SHKBP1: variants seen among roughly 807,000 people sequenced by gnomAD.
SHKBP1 encodes the protein SH3KBP1-binding protein 1.
Under a neutral mutation model 83.9 loss-of-function variants are expected in SHKBP1, and 71 were observed. The observed-to-expected ratio is 0.85, with a 90% confidence interval of 0.70 to 1.03. The LOEUF is 1.03. Among genes scored for constraint, SHKBP1 ranks in the 50% least tolerant of loss-of-function variants. The pLI, the probability that SHKBP1 is intolerant of heterozygous loss-of-function variation, is 0.00. For missense variants in SHKBP1, 824 were observed against 982.4 expected (o/e 0.84, Z 2.16); for synonymous variants, 371 against 398.0 (o/e 0.93, Z 0.81).
Position 40,590,386 on chromosome 19 carries a change from C to T in SHKBP1, c.1732C>T (p.Leu578=). ...CAACGGCAGCTTGGCCATGTGGGACCTAACCACCGCCATGGACGGCCTCGG... is the reference window on the plus strand; with the variant it reads ...CAACGGCAGCTTGGCCATGTGGGACTTAACCACCGCCATGGACGGCCTCGG... ...QANGSLAMWD[L]TTAMDGLGQA... The change falls in exon 16 of 18, where the codon CTA becomes TTA. Residue 578 remains leucine, a synonymous_variant. Coordinates refer to ENST00000291842, the MANE Select transcript of SHKBP1 (RefSeq NM_138392.4). This position sits in a 1 kb window ranked among gnomAD's most constrained non-coding sequence, Gnocchi z 4.6. 3.7e-6 allele frequency: 6 copies of T among 1,611,704 alleles called. No homozygotes were observed. Among genetic ancestry groups the T allele is most frequent in the Non-Finnish European group, 5.1e-6 (6 of 1,179,234 alleles).
At chr19:40,581,693 C>G (rs905178882) in intron 9 of SHKBP1, among the ~76,000 whole-genome samples, 1 of 152,116 alleles carries the variant, frequency 6.6e-6, no homozygotes, top group Non-Finnish European at 1.5e-5. Context: ...GCACTCCAGC[C>G]TGGACAACAG....
chr19:40,587,872 C>T (rs2081324676), intron 13 of SHKBP1, among the ~76,000 whole-genome samples: 1 of 152,122 alleles, frequency 6.6e-6, no homozygotes, highest in African/African-American at 2.4e-5. Context: ...CCCCTGCACT[C>T]CAGCCCAGGC....
chr19:40,580,479 C>T lies in SHKBP1; in HGVS notation c.556C>T (p.Pro186Ser), dbSNP rs767076064. ...GCTGGATGAGAAAACCCCTCCCTCA[C>T]CCTCAGGTACGTTTCTATCTCGTGG... is the stretch of plus-strand genomic sequence containing the variant. ...RMLDEKTPPSPSGQPEEPGMV... is the reference protein window; with the variant it reads ...RMLDEKTPPSSSGQPEEPGMV... The change falls in exon 7 of 18, where the codon CCC becomes TCC. Residue 186 changes from proline to serine, a missense_variant. Physicochemically the swap from Pro to Ser is moderately conservative, Grantham distance 74 (BLOSUM62 -1). Coordinates refer to ENST00000291842, the MANE Select transcript of SHKBP1 (RefSeq NM_138392.4). 40 of 1,612,160 alleles carry T rather than the reference C, an allele frequency of 2.5e-5. No individual in the cohort carries two copies. The highest frequency in any genetic ancestry group is 3.3e-5 in the Non-Finnish European group (39 of 1,178,662).
At chr19:40,586,727 CT>C in intron 12 of SHKBP1, 46 bp from the exon 13 acceptor site, 3 of 1,452,680 alleles carry the variant, frequency 2.1e-6, no homozygotes, top group Non-Finnish European at 2.7e-6. Context: ...GCCCTGGTTT[CT>C]GTCTCTGTGG....
Position 40,577,578 on chromosome 19 carries a change from A to G in SHKBP1, c.208A>G (p.Thr70Ala), listed in dbSNP as rs1568387144. 6.2e-7 allele frequency: 1 copy of G among 1,613,966 alleles called. No individual in the cohort carries two copies. The highest frequency in any genetic ancestry group is 1.3e-5 in the African/African-American group (1 of 74,946). ...GCAGATCTTCATCGACAGGGACCCT[A>G]CAGTCTTCGCCCCCATCCTCAACTT... ...TGAIFIDRDPTVFAPILNFLR... is the reference protein window; with the variant it reads ...TGAIFIDRDPAVFAPILNFLR... Residue 70 changes from threonine to alanine, a missense_variant, in exon 4 of 18, where the codon ACA becomes GCA. Coordinates refer to ENST00000291842, the MANE Select transcript of SHKBP1 (RefSeq NM_138392.4).
rs772815882 is a variant in SHKBP1, at chr19:40,580,634, AC to A, written c.634del (p.Gln212SerfsTer3). Reference protein sequence around the residue: ...GHHNWIAVAYTQFLVCYRLKE... With the variant: ...GHHNWIAVAYXQFLVCYRLKE... Reference sequence around the variant, plus strand: ...CCATAATTGGATCGCTGTGGCCTATACCCAGTTTCTAGTCTGCTACAGGTGC... The same window carrying A: ...CCATAATTGGATCGCTGTGGCCTATACCAGTTTCTAGTCTGCTACAGGTGC... On this transcript the variant is annotated frameshift_variant, in exon 8 of 18. Transcript: ENST00000291842. LOFTEE classifies it high-confidence loss of function. 1.3e-5 allele frequency: 21 copies of A among 1,613,914 alleles called. No homozygotes were observed. The highest frequency in any genetic ancestry group is 1.8e-5 in the Non-Finnish European group (21 of 1,180,024).
At position 40,590,509 on chromosome 19, in the gene SHKBP1, C is replaced by A; in HGVS notation, c.1768+87C>A. On this transcript the variant is annotated intron_variant, in intron 16 of 17. Coordinates refer to ENST00000291842, the MANE Select transcript of SHKBP1 (RefSeq NM_138392.4). This position sits in a 1 kb window ranked among gnomAD's most constrained non-coding sequence, Gnocchi z 4.6. ...CACTGCCAACTGCTTGATCTCTCTCCCAGGCCCTTGCCCTCTGACCCCTTT... is the reference window on the plus strand; with the variant it reads ...CACTGCCAACTGCTTGATCTCTCTCACAGGCCCTTGCCCTCTGACCCCTTT... The A allele has an allele frequency of 6.8e-7, 1 of 1,460,260 alleles. No homozygotes were observed. 90.5% of individuals were successfully genotyped at this position (1,460,260 alleles called of 1,614,324 possible). A position where few individuals can be genotyped will look rare whatever the true frequency, so the allele number is the denominator to read the frequency against.
At chr19:40,577,687 T>C in intron 4 of SHKBP1, 57 bp downstream of exon 4, 1 of 1,556,372 alleles carries the variant, frequency 6.4e-7, no homozygotes, top group Non-Finnish European at 8.9e-7. Context: ...TGAGGAGTTC[T>C]TTCACCTCCT....
At chr19:40,588,908 G>C (rs945813455) in intron 14 of SHKBP1, 129 bp downstream of exon 14, 4 of 1,368,986 alleles carry the variant, frequency 2.9e-6, no homozygotes, top group Non-Finnish European at 4.0e-6. Context: ...TGATCCTTGA[G>C]GCACCTGAGC....
Position 40,590,722 on chromosome 19 carries a change from C to G in SHKBP1, c.1769-8C>G. On this transcript the variant is annotated splice_polypyrimidine_tract_variant and splice_region_variant and intron_variant, in intron 16 of 17. Coordinates refer to ENST00000291842, the MANE Select transcript of SHKBP1 (RefSeq NM_138392.4). The surrounding 1 kb of genome is among the most constrained non-coding windows in gnomAD (Gnocchi z 4.6). ...CTTGCCCCCTGACCCTGCTTCCGTGCCCCCCAGCAGGTGGCCTGACGGAGC... is the reference window on the plus strand; with the variant it reads ...CTTGCCCCCTGACCCTGCTTCCGTGGCCCCCAGCAGGTGGCCTGACGGAGC... The G allele has an allele frequency of 6.3e-7, 1 of 1,576,290 alleles. No homozygotes were observed. Among genetic ancestry groups the G allele is most frequent in the Non-Finnish European group, 8.7e-7 (1 of 1,156,018 alleles).
Position 40,591,087 on chromosome 19 carries a change from G to T in SHKBP1, c.2004G>T (p.Gln668His). ...GGGGCAGCTTTGTGGAACGCTGCCA[G>T]GAACTGGTGCGGAGTGGGCCAGACC... ...RGGGSFVERC[Q>H]ELVRSGPDLR... is the part of the protein sequence containing the mutation. Residue 668 changes from glutamine (Q) to histidine (H), a missense_variant, in exon 18 of 18, where the codon CAG becomes CAT. Gln to His is a conservative substitution (Grantham distance 24). Around this residue, in one of 3 missense-constraint regions of SHKBP1, gnomAD observed 287 missense variants for 322.9 expected, o/e 0.89. Coordinates refer to ENST00000291842, the MANE Select transcript of SHKBP1 (RefSeq NM_138392.4). 6.2e-7 allele frequency: 1 copy of T among 1,613,044 alleles called. No individual in the cohort carries two copies. Among genetic ancestry groups the T allele is most frequent in the Non-Finnish European group, 8.5e-7 (1 of 1,179,330 alleles).
rs1297767950 is a variant in SHKBP1, at chr19:40,576,925, A to AG, written c.31dup (p.Val11GlyfsTer49). 5 of 1,485,470 alleles carry AG rather than the reference A, an allele frequency of 3.4e-6. No homozygotes were observed. Among genetic ancestry groups the AG allele is most frequent in the Non-Finnish European group, 4.5e-6 (5 of 1,122,550 alleles). The allele number at this position is 1,485,470 out of a possible 1,614,324, so 92.0% of individuals were successfully genotyped here. A position where few individuals can be genotyped will look rare whatever the true frequency, so the allele number is the denominator to read the frequency against. ...ATGGCAGCAGCGGCTACTGCAGCCG[A>AG]GGGGGTCCCCAGTCGGGGGCCTCCC... On this transcript the variant is annotated frameshift_variant, in exon 1 of 18. Transcript: ENST00000291842. LOFTEE classifies it high-confidence loss of function.
At position 40,586,856 on chromosome 19, in the gene SHKBP1, G is replaced by A. The variant is rs760383421; in HGVS notation, c.1248G>A (p.Val416=). ...VRVIVQHPET[V]GSGPQLFQTF... is the part of the protein sequence containing the mutation. ...TCATCGTGCAGCACCCGGAGACTGT[G>A]GGCTCGGGGCCTCAGCTCTTCCAGA... is the stretch of plus-strand genomic sequence containing the variant. The change falls in exon 13 of 18, where the codon GTG becomes GTA. Residue 416 remains valine, a synonymous_variant. Coordinates refer to ENST00000291842, the MANE Select transcript of SHKBP1 (RefSeq NM_138392.4). 4 of 1,613,098 alleles carry A rather than the reference G, an allele frequency of 2.5e-6. No homozygotes were observed. Among genetic ancestry groups the A allele is most frequent in the Non-Finnish European group, 8.5e-7 (1 of 1,179,390 alleles).
In SHKBP1 at chr19:40,583,676, A is replaced by T. The variant is rs996655778; in HGVS notation, c.1124A>T (p.Asp375Val). ...VSELYRDPAE[D>V]GVTALSVYLT... ...GAGCTCTATCGGGACCCAGCGGAGG[A>T]TGGGGTCACCGCCCTCAGTGTCTAC... Residue 375 changes from aspartate (D) to valine (V), a missense_variant, in exon 12 of 18, where the codon GAT becomes GTT. By Grantham distance (152) the Asp-to-Val change is radical. Around this residue, in one of 3 missense-constraint regions of SHKBP1, gnomAD observed 182 missense variants for 273.1 expected, o/e 0.67. Coordinates refer to ENST00000291842, the MANE Select transcript of SHKBP1 (RefSeq NM_138392.4). 4.3e-6 allele frequency: 7 copies of T among 1,612,666 alleles called. No individual in the cohort carries two copies. The African/African-American group carries it at 8.0e-5, about 18-fold the overall frequency.
chr19:40,578,583 C>G, intron 6 of SHKBP1, 41 bp downstream of exon 6: 1 of 1,563,698 alleles, frequency 6.4e-7, no homozygotes, highest in Non-Finnish European at 8.8e-7. Context: ...GGAGGTGGGC[C>G]AAAGACTACA....
At chr19:40,577,681 G>A in intron 4 of SHKBP1, 51 bp downstream of exon 4, 5 of 1,590,554 alleles carry the variant, frequency 3.1e-6, no homozygotes, top group Non-Finnish European at 3.5e-6. Flanking sequence ...AGTCCCTGAG[G>A]AGTTCTTTCA....
In SHKBP1 at chr19:40,590,307, G is replaced by C; in HGVS notation, c.1653G>C (p.Glu551Asp). 3 of 1,609,510 alleles carry C rather than the reference G, an allele frequency of 1.9e-6. No homozygotes were observed. Among genetic ancestry groups the C allele is most frequent in the Non-Finnish European group, 2.5e-6 (3 of 1,178,454 alleles). ...CAGCCTTCACAGTGCTGGAGTGCGA[G>C]GGCTCCCGGCGGCTCGGCTCTCGGC... ...PTTAFTVLECEGSRRLGSRPR... is the reference protein window; with the variant it reads ...PTTAFTVLECDGSRRLGSRPR... Residue 551 changes from glutamate (E) to aspartate (D), a missense_variant, in exon 16 of 18, where the codon GAG (glutamate) becomes GAC (aspartate). By Grantham distance (45) the Glu-to-Asp change is conservative. Transcript: ENST00000291842. This position sits in a 1 kb window ranked among gnomAD's most constrained non-coding sequence, Gnocchi z 4.6.
At chr19:40,577,917 T>A (rs1599836092) in intron 4 of SHKBP1, 1 of 626,840 alleles carries the variant, frequency 1.6e-6, no homozygotes, top group East Asian at 2.7e-5. Flanking sequence ...ATCTTGATCA[T>A]GTTAAAATTT....
Position 40,590,584 on chromosome 19 carries a change from A to C in SHKBP1, c.1769-146A>C. 4 of 1,294,542 alleles carry C rather than the reference A, an allele frequency of 3.1e-6. No individual in the cohort carries two copies. The highest frequency in any genetic ancestry group is 2.8e-4 in the Middle Eastern group (1 of 3,606). The allele number at this position is 1,294,542 out of a possible 1,614,324, so 80.2% of individuals were successfully genotyped here. A position where few individuals can be genotyped will look rare whatever the true frequency, so the allele number is the denominator to read the frequency against. On this transcript the variant is annotated intron_variant, in intron 16 of 17. Transcript: ENST00000291842. This position sits in a 1 kb window ranked among gnomAD's most constrained non-coding sequence, Gnocchi z 4.6. ...CATCCCTTCCTGCCCTTGTTTTTCA[A>C]CCCCTGTCTCAGCCTCTGGCCCCCA...
Sources: gnomAD v4.1 joint callset for allele counts (sites outside exome capture counted in the v4.1 genomes callset) on GRCh38, gnomAD v4.1.1 for gene constraint, gnomAD v4.1.1 regional missense constraint, Gnocchi (gnomAD v3.1) non-coding constraint, MANE v1.5 for transcripts, NCBI Gene and HGNC (gene_info 2026-07-23, HGNC 2026-07-21) for gene names.